AGBL4: variants seen among roughly 807,000 people sequenced by gnomAD.
AGBL4 encodes AGBL carboxypeptidase 4, also known as cytosolic carboxypeptidase 6.
In AGBL4, 58 loss-of-function variants were observed where a neutral mutation model predicts 66.4. The ratio of observed to expected loss-of-function variants is 0.87; its 90% confidence interval spans 0.71 to 1.09. The LOEUF is 1.09. AGBL4 is among the 50% of genes least tolerant of loss of function. The probability of loss-of-function intolerance (pLI) is 0.00; values close to 1 mark genes in which losing one functional copy is unlikely to be tolerated. For missense variants in AGBL4, 579 were observed against 631.0 expected (o/e 0.92, Z 0.88); for synonymous variants, 234 against 222.9 (o/e 1.05, Z -0.44).
intron 1 of AGBL4, chr1:50,017,397 A>G (rs1411886137): frequency 6.6e-6 from 1 of 152,132 alleles, no homozygotes; most frequent in African/African-American, 2.4e-5. Flanking sequence ...TTTTCCCATC[A>G]ATAAACATGA....
chr1:49,691,603 G>A (rs1646887568), intron 3 of AGBL4: 1 of 152,178 alleles, frequency 6.6e-6, no homozygotes. Context: ...TGGTAGTTGT[G>A]ATGGTTAATA....
At chr1:49,392,364 A>G (rs1330735580) in intron 3 of AGBL4, among the ~76,000 whole-genome samples, 1 of 152,164 alleles carries the variant, frequency 6.6e-6, no homozygotes, top group Non-Finnish European at 1.5e-5. Flanking sequence ...AGCCCTCTAA[A>G]TGGCAGCTGT....
intron 5 of AGBL4, among the ~76,000 whole-genome samples, chr1:49,019,872 T>G (rs1158125674): frequency 1.3e-5 from 2 of 152,210 alleles, no homozygotes; most frequent in East Asian, 3.8e-4. Flanking sequence ...TTAGTCTCTT[T>G]GCACCTCAGT....
intron 11 of AGBL4, among the ~76,000 whole-genome samples, chr1:48,572,127 G>A (rs1644574812): frequency 6.6e-6 from 1 of 152,134 alleles, no homozygotes; most frequent in South Asian, 2.1e-4. Flanking sequence ...GAAGGAGGCA[G>A]CAGAGTGGGG....
intron 4 of AGBL4, among the ~76,000 whole-genome samples, chr1:49,146,636 T>C (rs1646223548): frequency 6.6e-6 from 1 of 152,172 alleles, no homozygotes; most frequent in Non-Finnish European, 1.5e-5. Context: ...GGGATGGTGG[T>C]GGTGACTGTC....
chr1:49,929,377 T>G (rs1653109847), intron 1 of AGBL4, among the ~76,000 whole-genome samples: 1 of 150,700 alleles, frequency 6.6e-6, no homozygotes, highest in Admixed American at 6.6e-5. Flanking sequence ...CACAGAAAAA[T>G]AAATGTAAGA....
At chr1:49,571,697 AG>A (rs1644335210) in intron 3 of AGBL4, among the ~76,000 whole-genome samples, 1 of 151,928 alleles carries the variant, frequency 6.6e-6, no homozygotes. Context: ...GTACCATGTT[AG>A]TTGTCAGTTT....
At chr1:49,611,820 G>A (rs1343294898) in intron 3 of AGBL4, among the ~76,000 whole-genome samples, 1 of 152,096 alleles carries the variant, frequency 6.6e-6, no homozygotes, top group African/African-American at 2.4e-5. Flanking sequence ...CATTGTTCAG[G>A]TTCTAAAGCC....
At chr1:49,220,902 C>T (rs1389222421) in intron 4 of AGBL4, among the ~76,000 whole-genome samples, 1 of 152,116 alleles carries the variant, frequency 6.6e-6, no homozygotes, top group Non-Finnish European at 1.5e-5. Flanking sequence ...TCTTGACCAT[C>T]ATAAACAAAC....
chr1:48,809,226 G>A (rs1268738064), intron 6 of AGBL4, among the ~76,000 whole-genome samples: 4 of 152,184 alleles, frequency 2.6e-5, no homozygotes, highest in Admixed American at 2.6e-4. Context: ...AGGAGTTGCA[G>A]GTAGAAGTTA....
chr1:49,887,876 A>G (rs770374803), intron 1 of AGBL4, among the ~76,000 whole-genome samples: 18 of 152,162 alleles, frequency 1.2e-4, no homozygotes, highest in Admixed American at 2.6e-4. Flanking sequence ...ATAATAAGTG[A>G]ATATAAGAGA....
intron 3 of AGBL4, among the ~76,000 whole-genome samples, chr1:49,518,872 G>A (rs951178528): frequency 6.6e-6 from 1 of 151,984 alleles, no homozygotes; most frequent in Non-Finnish European, 1.5e-5. Context: ...CAGATCATTT[G>A]GAGATTCACT....
intron 6 of AGBL4, among the ~76,000 whole-genome samples, chr1:48,807,176 AT>A (rs775912148): frequency 6.6e-6 from 1 of 152,004 alleles, no homozygotes; most frequent in Non-Finnish European, 1.5e-5. Context: ...TATGTTGTTC[AT>A]TTCCTTGCCT....
At chr1:49,800,594 C>G (rs2147947428) in intron 2 of AGBL4, among the ~76,000 whole-genome samples, 1 of 114,426 alleles carries the variant, frequency 8.7e-6, no homozygotes, top group South Asian at 3.3e-4. Flanking sequence ...CAATTCCCAC[C>G]TATGAGTGAG....
chr1:49,785,589 G>A (rs1468172911), intron 2 of AGBL4, among the ~76,000 whole-genome samples: 1 of 151,898 alleles, frequency 6.6e-6, no homozygotes, highest in Non-Finnish European at 1.5e-5. Flanking sequence ...GGGTGGCAAT[G>A]ATAACAATGA....
Position 49,708,548 on chromosome 1 carries a change from C to T in AGBL4, c.158-11111G>A, listed in dbSNP as rs370762695. ...GTTATTACCTACCTTCTGAAGCCTA[C>T]TTCTGTCAATTCATCAAACTCATTC... On this transcript the variant is annotated intron_variant, in intron 2 of 13. Coordinates refer to ENST00000371839, the MANE Select transcript of AGBL4 (RefSeq NM_032785.4). Among the ~76,000 whole-genome samples the T allele has an allele frequency of 1.2e-4, 18 of 152,226 alleles. No homozygotes were observed. The South Asian group carries it at 3.5e-3, about 30-fold the overall frequency.
intron 3 of AGBL4, among the ~76,000 whole-genome samples, chr1:49,522,127 C>T (rs1351368116): frequency 2.0e-5 from 3 of 152,028 alleles, no homozygotes; most frequent in African/African-American, 7.2e-5. Context: ...CCAATAACTG[C>T]CACAATCTAA....
At chr1:49,255,359 C>G (rs1318748043) in intron 3 of AGBL4, among the ~76,000 whole-genome samples, 2 of 151,978 alleles carry the variant, frequency 1.3e-5, no homozygotes, top group African/African-American at 4.8e-5. Context: ...GGGCAAAAGA[C>G]AAGATTACAC....
chr1:49,304,794 G>A (rs1644820312), intron 3 of AGBL4, among the ~76,000 whole-genome samples: 1 of 152,152 alleles, frequency 6.6e-6, no homozygotes, highest in African/African-American at 2.4e-5. Context: ...TCAGATGCCA[G>A]TATATGAGAA....
Sources: allele counts gnomAD v4.1 joint callset (sites outside exome capture counted in the v4.1 genomes callset), GRCh38; gene constraint gnomAD v4.1.1; transcripts MANE v1.5; gene names NCBI Gene and HGNC (gene_info 2026-07-23, HGNC 2026-07-21).